TICRR: variants seen among roughly 807,000 people sequenced by gnomAD.
The protein encoded by TICRR is treslin.
TICRR carries 132 observed loss-of-function variants against 178.1 expected under a neutral mutation model. The observed-to-expected ratio is 0.74, with a 90% CI of 0.64 to 0.86. TICRR has a LOEUF of 0.86. TICRR is among the 40% of genes least tolerant of loss of function. The pLI is 0.00. For missense variants in TICRR, 2,587 were observed against 2,334.3 expected (o/e 1.11, Z -2.23); for synonymous variants, 991 against 900.7 (o/e 1.10, Z -1.79).
chr15:89,576,290 C>G (rs1460660454), intron 1 of TICRR, 50 bp downstream of exon 1: 2 of 1,470,030 alleles, frequency 1.4e-6, no homozygotes, highest in Non-Finnish European at 9.0e-7. Context: ...GCTTTCCTTG[C>G]TAACCAGAAC....
Position 89,584,387 on chromosome 15 carries a change from G to C in TICRR, c.1036G>C (p.Val346Leu). The change falls in exon 3 of 22, where the codon GTG becomes CTG. Residue 346 changes from valine to leucine, a missense_variant. Coordinates refer to ENST00000268138, the MANE Select transcript of TICRR (RefSeq NM_152259.4). ...KPVRIFLKGSVAQWSLPTSST... is the reference protein window; with the variant it reads ...KPVRIFLKGSLAQWSLPTSST... ...AGTCAGAATTTTTCTAAAAGGCTCA[G>C]TGGCCCAGTGGTCTCTCCCAACGAG... The C allele has an allele frequency of 6.2e-7, 1 of 1,614,216 alleles. No homozygotes were observed. Among genetic ancestry groups the C allele is most frequent in the Non-Finnish European group, 8.5e-7 (1 of 1,180,034 alleles).
rs778497649 is a variant in TICRR, at chr15:89,619,761, C to T, written c.3073C>T (p.His1025Tyr). 1.2e-6 allele frequency: 2 copies of T among 1,614,000 alleles called. No individual in the cohort carries two copies. Among genetic ancestry groups the T allele is most frequent in the South Asian group, 1.1e-5 (1 of 91,042 alleles). Residue 1025 changes from histidine (H) to tyrosine (Y), a missense_variant, in exon 18 of 22, where the codon CAT (histidine) becomes TAT (tyrosine). Physicochemically the swap from His to Tyr is moderately conservative, Grantham distance 83. Transcript: ENST00000268138. The stretch of plus-strand genomic sequence containing the variant: ...CAAGCAGTTGTCATTTAGCAGGACA[C>T]ATTCTGCCTCCTTCTATTCTGTGTC... ...RIKQLSFSRTHSASFYSVSQP... is the reference protein window; with the variant it reads ...RIKQLSFSRTYSASFYSVSQP...
At chr15:89,616,524 CATACACCCACACCACCTCAAAGCG>C (rs1368354675) in intron 16 of TICRR, 29 bp downstream of exon 16, 1 of 1,583,542 alleles carries the variant, frequency 6.3e-7, no homozygotes, top group Admixed American at 1.7e-5. Flanking sequence ...CGGGCTTCTT[CATACACCCACACCACCTCAAAGCG>C]GCCTTGTGGG....
chr15:89,616,284 T>C (rs1273473369), intron 15 of TICRR, 121 bp from the exon 16 acceptor site: 1 of 737,090 alleles, frequency 1.4e-6, no homozygotes, highest in Non-Finnish European at 2.3e-6. Flanking sequence ...CCAAAGACCA[T>C]TAAGATCCTC....
At position 89,575,956 on chromosome 15, in the gene TICRR, C is replaced by G. The variant is rs1316267550; in HGVS notation, c.370C>G (p.Pro124Ala). 2 of 1,602,406 alleles carry G rather than the reference C, an allele frequency of 1.2e-6. No individual in the cohort carries two copies. The highest frequency in any genetic ancestry group is 1.7e-6 in the Non-Finnish European group (2 of 1,175,950). ...GCCCGAGATCACGTCGCCCACGAAG[C>G]CGATCCTGCGGAGCAGCGGGAGGAG... Reference protein sequence around the residue: ...DRPEITSPTKPILRSSGRRLL... With the variant: ...DRPEITSPTKAILRSSGRRLL... The change falls in exon 1 of 22, where the codon CCG becomes GCG. Residue 124 changes from proline to alanine, a missense_variant. By Grantham distance (27) the Pro-to-Ala change is conservative. Coordinates refer to ENST00000268138, the MANE Select transcript of TICRR (RefSeq NM_152259.4).
chr15:89,626,030 A>G lies in TICRR; in HGVS notation c.5571A>G (p.Lys1857=), dbSNP rs201249205. The G allele has an allele frequency of 3.1e-4, 506 of 1,613,924 alleles. 6 individuals are homozygous for G. The East Asian group carries it at 0.011, about 34-fold the overall frequency. ...AGTCTCCGCTGCTGTTCCAGGGGAA[A>G]ACACCTTCCTCTCAGAGCAAAGACC... is the stretch of plus-strand genomic sequence containing the variant. ...LTQSPLLFQG[K]TPSSQSKDPR... is the part of the protein sequence containing the mutation. Residue 1857 remains lysine, a synonymous_variant, in exon 21 of 22, where the codon AAA becomes AAG. Transcript: ENST00000268138.
intron 1 of TICRR, among the ~76,000 whole-genome samples, chr15:89,580,760 C>T (rs11630039): frequency 0.41 from 61,964 of 152,028 alleles, 14,065 homozygotes; most frequent in Non-Finnish European, 0.51. Context: ...TAGGCCAGGC[C>T]TAGTGGCTTA....
intron 1 of TICRR, among the ~76,000 whole-genome samples, chr15:89,576,498 C>A (rs771294771): frequency 6.6e-6 from 1 of 152,142 alleles, no homozygotes; most frequent in Admixed American, 6.5e-5. Context: ...TACATCTACT[C>A]TAGCATATTG....
At chr15:89,626,376 C>T (rs368692234) in intron 21 of TICRR, among the ~76,000 whole-genome samples, 16 of 152,202 alleles carry the variant, frequency 1.1e-4, no homozygotes, top group African/African-American at 2.9e-4. Flanking sequence ...CTGAGCAGCA[C>T]GAGTGATAGG....
chr15:89,616,268 C>G, intron 15 of TICRR, 137 bp from the exon 16 acceptor site: 1 of 664,904 alleles, frequency 1.5e-6, no homozygotes, highest in East Asian at 2.7e-5. Context: ...AACCATAGAA[C>G]TTAGCCCAAA....
At chr15:89,610,016 C>T (rs117929922) in intron 15 of TICRR, among the ~76,000 whole-genome samples, 4 of 152,220 alleles carry the variant, frequency 2.6e-5, no homozygotes, top group Non-Finnish European at 5.9e-5. Flanking sequence ...TATTTCGGAG[C>T]GCATTAATTT....
chr15:89,589,333 G>A (rs1962872544), intron 4 of TICRR, among the ~76,000 whole-genome samples: 1 of 152,156 alleles, frequency 6.6e-6, no homozygotes, highest in African/African-American at 2.4e-5. Flanking sequence ...AAGGGTGGGT[G>A]TTTGGCCCAC....
intron 1 of TICRR, among the ~76,000 whole-genome samples, 169 bp from the exon 2 acceptor site, chr15:89,582,517 A>G (rs1292825678): frequency 2.0e-5 from 3 of 152,154 alleles, no homozygotes; most frequent in African/African-American, 7.2e-5. Flanking sequence ...CTGGGGCTGC[A>G]CAGTAGCTTG....
chr15:89,625,147 T>A lies in TICRR; in HGVS notation c.4837T>A (p.Ser1613Thr). The A allele has an allele frequency of 6.2e-7, 1 of 1,613,650 alleles. No homozygotes were observed. Among genetic ancestry groups the A allele is most frequent in the Non-Finnish European group, 8.5e-7 (1 of 1,179,942 alleles). The stretch of plus-strand genomic sequence containing the variant: ...TCTCAGCATGCCCAGGGCCAGCAGG[T>A]CCTTAAGCAAACCTGAACCCACCTA... ...PALSMPRASRSLSKPEPTYVS... is the reference protein window; with the variant it reads ...PALSMPRASRTLSKPEPTYVS... The change falls in exon 20 of 22, where the codon TCC becomes ACC. Residue 1613 changes from serine to threonine, a missense_variant. By Grantham distance (58) the Ser-to-Thr change is moderately conservative. Transcript: ENST00000268138.
chr15:89,606,858 A>G (rs1226942564), intron 14 of TICRR, 33 bp downstream of exon 14: 25 of 1,574,486 alleles, frequency 1.6e-5, no homozygotes, highest in Non-Finnish European at 2.2e-5. Flanking sequence ...GTATTTATTC[A>G]CTAGCATGAC....
chr15:89,623,797 C>G lies in TICRR; in HGVS notation c.3487C>G (p.Pro1163Ala), dbSNP rs369720204. 1.9e-6 allele frequency: 3 copies of G among 1,613,834 alleles called. No individual in the cohort carries two copies. Among genetic ancestry groups the G allele is most frequent in the Admixed American group, 3.3e-5 (2 of 59,994 alleles). The change falls in exon 20 of 22, where the codon CCC (proline) becomes GCC (alanine). Residue 1163 changes from proline (P) to alanine (A), a missense_variant. Transcript: ENST00000268138. The stretch of plus-strand genomic sequence containing the variant: ...GGAGTCCTTAAAAGACTCCTCCTCA[C>G]CCGGCCATGACTCACCATTGGATTC... ...FKESLKDSSS[P>A]GHDSPLDSKI...
chr15:89,596,692 G>A (rs1963004090), intron 7 of TICRR, among the ~76,000 whole-genome samples: 1 of 152,084 alleles, frequency 6.6e-6, no homozygotes, highest in Admixed American at 6.5e-5. Flanking sequence ...GTTGATTGCT[G>A]TTGTTGCTTT....
rs759306714 is a variant in TICRR at position 89,618,270 on chromosome 15, T to C, written c.3019+60T>C. ...TACCCAGCTTCTATGAAAACCTTTCTGTATGTATTGTTACTTGGCATATCC... is the reference window on the plus strand; with the variant it reads ...TACCCAGCTTCTATGAAAACCTTTCCGTATGTATTGTTACTTGGCATATCC... On this transcript the variant is annotated intron_variant, in intron 17 of 21. Coordinates refer to ENST00000268138, the MANE Select transcript of TICRR (RefSeq NM_152259.4). The C allele has an allele frequency of 4.3e-5, 63 of 1,469,460 alleles. 1 individual carries two copies. The highest frequency in any genetic ancestry group is 2.5e-4 in the Admixed American group (15 of 59,736). 91.0% of individuals were successfully genotyped at this position (1,469,460 alleles called of 1,614,324 possible).
Position 89,601,554 on chromosome 15 carries a change from G to A in TICRR, c.2313G>A (p.Glu771=), listed in dbSNP as rs1567045651. Residue 771 remains glutamate, a synonymous_variant, in exon 11 of 22, where the codon GAG becomes GAA. Transcript: ENST00000268138. ...EDSAYLAEFL[E]EILRLYIDSI... ...CAGCGTACCTAGCAGAGTTTCTGGA[G>A]GAAATTTTGAGATTGTAAGTTTGAT... 1.2e-6 allele frequency: 2 copies of A among 1,614,162 alleles called. No homozygotes were observed. Among genetic ancestry groups the A allele is most frequent in the South Asian group, 1.1e-5 (1 of 91,078 alleles).
Sources: allele counts gnomAD v4.1 joint callset (sites outside exome capture counted in the v4.1 genomes callset), GRCh38; gene constraint gnomAD v4.1.1; transcripts MANE v1.5; gene names NCBI Gene and HGNC (gene_info 2026-07-23, HGNC 2026-07-21).